Variants in CSNK1G1 observed in about 807,000 individuals in gnomAD.
CSNK1G1 encodes casein kinase 1 gamma 1, also known as casein kinase I isoform gamma-1.
A neutral mutation model predicts 59.6 loss-of-function variants in CSNK1G1; 22 were observed. The ratio of observed to expected loss-of-function variants is 0.37; its 90% CI spans 0.26 to 0.53. CSNK1G1 has a LOEUF of 0.53. Ranked by LOEUF, CSNK1G1 falls within the 20% of genes least tolerant of loss-of-function variation. The pLI, the probability that CSNK1G1 is intolerant of heterozygous loss-of-function variation, is 0.89. For missense variants in CSNK1G1, 384 were observed against 519.5 expected (o/e 0.74, Z 2.54); for synonymous variants, 179 against 177.1 (o/e 1.01, Z -0.08).
At chr15:64,306,066 A>T (rs74776740) in intron 1 of CSNK1G1, among the ~76,000 whole-genome samples, 2,316 of 152,302 alleles carry the variant, frequency 0.015, 53 homozygotes, top group African/African-American at 0.046. Flanking sequence ...AAAAAATCTA[A>T]ATGACTTCGG....
Position 64,300,505 on chromosome 15 carries a change from T to C in CSNK1G1, c.-6A>G, listed in dbSNP as rs1895269278. ...TCCCTACTAGGATGGTCCATGATCCTACAGGACAGAGTCTCCTATAGTACA... is the reference window on the plus strand; with the variant it reads ...TCCCTACTAGGATGGTCCATGATCCCACAGGACAGAGTCTCCTATAGTACA... On this transcript the variant is annotated 5_prime_UTR_variant, in exon 2 of 12. Transcript: ENST00000303052. 6.2e-7 allele frequency: 1 copy of C among 1,613,562 alleles called. No individual in the cohort carries two copies. The highest frequency in any genetic ancestry group is 1.1e-5 in the South Asian group (1 of 91,022).
chr15:64,278,416 G>GTGTA (rs1474586651), intron 2 of CSNK1G1, among the ~76,000 whole-genome samples: 1 of 98,514 alleles, frequency 1.0e-5, no homozygotes, highest in African/African-American at 5.6e-5. Context: ...GTGTGTGTGT[G>GTGTA]TGTATATATA....
intron 10 of CSNK1G1, among the ~76,000 whole-genome samples, chr15:64,182,664 A>G (rs1420456925): frequency 6.6e-6 from 1 of 152,196 alleles, no homozygotes; most frequent in Non-Finnish European, 1.5e-5. Context: ...GATAAGATAT[A>G]ATGATGTCTG....
At chr15:64,183,041 TAGTA>T (rs764465187) in intron 10 of CSNK1G1, among the ~76,000 whole-genome samples, 1 of 152,188 alleles carries the variant, frequency 6.6e-6, no homozygotes, top group East Asian at 1.9e-4. Context: ...ACAGGAAACA[TAGTA>T]AGTTTCTAGT....
intron 3 of CSNK1G1, among the ~76,000 whole-genome samples, chr15:64,252,413 C>T (rs1239370513): frequency 6.6e-6 from 1 of 152,074 alleles, no homozygotes; most frequent in Non-Finnish European, 1.5e-5. Context: ...TCTTACTATG[C>T]TGCCTAGGCT....
intron 4 of CSNK1G1, among the ~76,000 whole-genome samples, chr15:64,238,494 TAAAAAAAA>T (rs1169739046): frequency 3.0e-4 from 17 of 56,428 alleles, no homozygotes; most frequent in South Asian, 8.7e-4. Flanking sequence ...CCCTGTCCCT[TAAAAAAAA>T]AAAAAAAAAA....
Position 64,204,429 on chromosome 15 carries a change from A to G in CSNK1G1, c.999+12T>C. The stretch of plus-strand genomic sequence containing the variant: ...AATGAGGTTAAAAAAAAAAAAAAAA[A>G]AGGATACTTACAATAGGTCTCCCAA... On this transcript the variant is annotated intron_variant, in intron 9 of 11. Transcript: ENST00000303052. 1.3e-6 allele frequency: 2 copies of G among 1,550,724 alleles called. No homozygotes were observed. Among genetic ancestry groups the G allele is most frequent in the African/African-American group, 2.8e-5 (2 of 70,878 alleles).
chr15:64,244,674 G>GT (rs1284939621), intron 4 of CSNK1G1, among the ~76,000 whole-genome samples: 7 of 152,066 alleles, frequency 4.6e-5, no homozygotes, highest in Admixed American at 1.3e-4. Flanking sequence ...CTGGAGTCCA[G>GT]GAGTTTGATG....
In CSNK1G1 at chr15:64,210,216, T is replaced by C. The variant is rs777418059; in HGVS notation, c.680-2622A>G. Among the ~76,000 whole-genome samples the C allele has an allele frequency of 5.3e-5, 8 of 152,172 alleles. No homozygotes were observed. Among genetic ancestry groups the C allele is most frequent in the Non-Finnish European group, 8.8e-5 (6 of 68,014 alleles). ...TTTCCACTAATTTAATCCAGTGAAA[T>C]TAAGCATGGTCAAGTCACCTACTTT... On this transcript the variant is annotated intron_variant, in intron 6 of 11. Coordinates refer to ENST00000303052, the MANE Select transcript of CSNK1G1 (RefSeq NM_022048.5). The surrounding 1 kb of genome is among the most constrained non-coding windows in gnomAD (Gnocchi z 4.2).
In CSNK1G1 at chr15:64,200,913, T is replaced by G. The variant is rs996446056; in HGVS notation, c.1107+2169A>C. Among the ~76,000 whole-genome samples, 3 of 152,142 alleles carry G rather than the reference T, an allele frequency of 2.0e-5. No individual in the cohort carries two copies. Among genetic ancestry groups the G allele is most frequent in the African/African-American group, 7.2e-5 (3 of 41,432 alleles). On this transcript the variant is annotated intron_variant, in intron 10 of 11. Coordinates refer to ENST00000303052, the MANE Select transcript of CSNK1G1 (RefSeq NM_022048.5). The surrounding 1 kb of genome is among the most constrained non-coding windows in gnomAD (Gnocchi z 4.3). ...AGTTTTATGCACATAACCTATACTT[T>G]GAGTGGTTTTATTGATTGATTTCAA...
chr15:64,198,192 CTTTTTTTTTTTTTT>C (rs893282431), intron 10 of CSNK1G1, among the ~76,000 whole-genome samples: 8 of 110,562 alleles, frequency 7.2e-5, no homozygotes, highest in Middle Eastern at 4.9e-3. Context: ...ACAGGATATA[CTTTTTTTTTTTTTT>C]TTTTTTTTTT....
At chr15:64,277,630 T>G (rs1051389184) in intron 2 of CSNK1G1, among the ~76,000 whole-genome samples, 1 of 136,364 alleles carries the variant, frequency 7.3e-6, no homozygotes, top group East Asian at 2.0e-4. Context: ...ATTTAATATA[T>G]TAATATTAAT....
At chr15:64,202,990 C>G in intron 10 of CSNK1G1, 92 bp downstream of exon 10, 1 of 900,814 alleles carries the variant, frequency 1.1e-6, no homozygotes, top group Non-Finnish European at 1.8e-6. Flanking sequence ...ATTTTCAGTA[C>G]ATACACTAAA....
intron 3 of CSNK1G1, among the ~76,000 whole-genome samples, chr15:64,254,013 G>A (rs1030183614): frequency 3.9e-5 from 6 of 151,994 alleles, no homozygotes; most frequent in African/African-American, 7.2e-5. Flanking sequence ...GTCAGCGTGC[G>A]CCTGTAGTCC....
At chr15:64,243,667 A>C (rs915239680) in intron 4 of CSNK1G1, among the ~76,000 whole-genome samples, 4 of 152,178 alleles carry the variant, frequency 2.6e-5, no homozygotes, top group Non-Finnish European at 5.9e-5. Context: ...GCCACCAAAA[A>C]AATTCTCAAA....
intron 10 of CSNK1G1, among the ~76,000 whole-genome samples, chr15:64,189,815 C>CTTTTTT (rs970702567): frequency 3.1e-5 from 4 of 127,318 alleles, no homozygotes; most frequent in East Asian, 2.2e-4. Flanking sequence ...CTACAATTTA[C>CTTTTTT]TTTTTTTTTT....
chr15:64,339,106 GA>G (rs1326826592), intron 1 of CSNK1G1, among the ~76,000 whole-genome samples: 1 of 152,072 alleles, frequency 6.6e-6, no homozygotes, highest in Non-Finnish European at 1.5e-5. Context: ...GGGGCTACAG[GA>G]AAAGAATTAG....
chr15:64,189,283 T>G, intron 10 of CSNK1G1: 4 of 997,432 alleles, frequency 4.0e-6, no homozygotes, highest in Non-Finnish European at 4.8e-6. Context: ...GACCTTCAAC[T>G]AAAAACCTCT....
Position 64,203,158 on chromosome 15 carries a change from G to A in CSNK1G1, c.1031C>T (p.Ser344Phe). The change falls in exon 10 of 12, where the codon TCT (serine) becomes TTT (phenylalanine). Residue 344 changes from serine (S) to phenylalanine (F), a missense_variant. Ser to Phe is a radical substitution (Grantham distance 155, BLOSUM62 -2). Coordinates refer to ENST00000303052, the MANE Select transcript of CSNK1G1 (RefSeq NM_022048.5). Reference protein sequence around the residue: ...PTPVGSVHVDSGASAITRESH... With the variant: ...PTPVGSVHVDFGASAITRESH... ...TTCTCGAGTTATTGCAGATGCACCA[G>A]AATCTACGTGAACTGACCCTACTGG... is the stretch of plus-strand genomic sequence containing the variant. 1 of 1,614,020 alleles carries A rather than the reference G, an allele frequency of 6.2e-7. No individual in the cohort carries two copies. The highest frequency in any genetic ancestry group is 1.1e-5 in the South Asian group (1 of 91,082).
Sources: gnomAD v4.1 joint callset for allele counts (sites outside exome capture counted in the v4.1 genomes callset) on GRCh38, gnomAD v4.1.1 for gene constraint, Gnocchi (gnomAD v3.1) non-coding constraint, MANE v1.5 for transcripts, NCBI Gene and HGNC (gene_info 2026-07-23, HGNC 2026-07-21) for gene names.